NRXN1: variants seen among roughly 807,000 people sequenced by gnomAD.
The protein encoded by NRXN1 is neurexin 1.
NRXN1 carries 39 observed loss-of-function variants against 150.9 expected under a neutral mutation model. That is an observed-to-expected ratio of 0.26 (90% confidence interval 0.20 to 0.34). The LOEUF is 0.34. Among genes scored for constraint, NRXN1 ranks in the 10% least tolerant of loss-of-function variants. The pLI, the probability that NRXN1 is intolerant of heterozygous loss-of-function variation, is 1.00. For synonymous variants in NRXN1, 924 were observed against 757.0 expected (o/e 1.22, Z -3.62); for missense variants, 1,815 against 1,949.9 (o/e 0.93, Z 1.30).
chr2:50,984,540 A>G (rs1322699184), intron 2 of NRXN1, among the ~76,000 whole-genome samples: 12 of 152,068 alleles, frequency 7.9e-5, no homozygotes, highest in Admixed American at 7.9e-4. Flanking sequence ...AACTAAAAAA[A>G]GAAATAATTT....
chr2:50,093,035 C>T (rs983918128), intron 18 of NRXN1, among the ~76,000 whole-genome samples: 1 of 151,872 alleles, frequency 6.6e-6, no homozygotes. Flanking sequence ...AATGTATGTA[C>T]TAAATTAATT....
chr2:50,193,887 C>A (rs182323928), intron 18 of NRXN1, among the ~76,000 whole-genome samples: 48 of 152,132 alleles, frequency 3.2e-4, no homozygotes, highest in Admixed American at 3.1e-3. Context: ...GAACTACTTA[C>A]AGAAAACAAA....
chr2:50,237,358 T>C (rs932714167), intron 17 of NRXN1, among the ~76,000 whole-genome samples: 1 of 152,002 alleles, frequency 6.6e-6, no homozygotes, highest in African/African-American at 2.4e-5. Flanking sequence ...CAACTTGGTA[T>C]TGAAATAGGA....
chr2:50,465,493 A>T lies in NRXN1; in HGVS notation c.3313T>A (p.Phe1105Ile). 1 of 1,610,984 alleles carries T rather than the reference A, an allele frequency of 6.2e-7. No homozygotes were observed. The highest frequency in any genetic ancestry group is 8.5e-7 in the Non-Finnish European group (1 of 1,178,170). Residue 1105 changes from phenylalanine to isoleucine, a missense_variant, in exon 17 of 23, where the codon TTC becomes ATC. This residue lies in a region of NRXN1 where 339 missense variants were observed against 440.3 expected (regional missense o/e 0.77). Coordinates refer to ENST00000401669, the MANE Select transcript of NRXN1 (RefSeq NM_001330078.2). ...GAAGTCATACTACAGTCACAGCTGAAGCCATCCCATTGTTGCAAGCACACA... is the reference window on the plus strand; with the variant it reads ...GAAGTCATACTACAGTCACAGCTGATGCCATCCCATTGTTGCAAGCACACA... ...QGVCLQQWDGFSCDCSMTSFS... is the reference protein window; with the variant it reads ...QGVCLQQWDGISCDCSMTSFS...
At chr2:50,035,806 C>G (rs1182921632) in intron 21 of NRXN1, among the ~76,000 whole-genome samples, 1 of 152,056 alleles carries the variant, frequency 6.6e-6, no homozygotes, top group Non-Finnish European at 1.5e-5. Flanking sequence ...TCCATGGTTC[C>G]AAATTATGTC....
intron 5 of NRXN1, among the ~76,000 whole-genome samples, chr2:50,795,650 C>A (rs1325835671): frequency 6.6e-6 from 1 of 151,934 alleles, no homozygotes; most frequent in African/African-American, 2.4e-5. Flanking sequence ...CTCACTTTGG[C>A]TGTGAAATCA....
chr2:50,134,232 G>A (rs1044640126), intron 18 of NRXN1, among the ~76,000 whole-genome samples: 1 of 148,774 alleles, frequency 6.7e-6, no homozygotes, highest in African/African-American at 2.5e-5. Flanking sequence ...CAACAAAAAG[G>A]GTGTTGAGGT....
chr2:50,410,413 C>T (rs1374675295), intron 17 of NRXN1, among the ~76,000 whole-genome samples: 1 of 152,174 alleles, frequency 6.6e-6, no homozygotes, highest in African/African-American at 2.4e-5. Context: ...TACCTATCTG[C>T]CTCTCAGAAG....
chr2:50,496,293 T>C (rs1033480725), intron 14 of NRXN1, among the ~76,000 whole-genome samples, 198 bp from the exon 15 acceptor site: 7 of 152,150 alleles, frequency 4.6e-5, no homozygotes, highest in Admixed American at 2.0e-4. Flanking sequence ...TATTCAGTGT[T>C]TTAACTAAAG....
At chr2:49,954,385 G>A (rs1674555734) in intron 21 of NRXN1, among the ~76,000 whole-genome samples, 1 of 152,122 alleles carries the variant, frequency 6.6e-6, no homozygotes, top group East Asian at 1.9e-4. Flanking sequence ...AGAGCTTAGT[G>A]CACAGACTCA....
At chr2:50,672,647 G>T (rs892518185) in intron 5 of NRXN1, among the ~76,000 whole-genome samples, 1 of 151,696 alleles carries the variant, frequency 6.6e-6, no homozygotes, top group Admixed American at 6.6e-5. Flanking sequence ...GCTTAGCAAG[G>T]TTTAAAAAAA....
At chr2:50,594,887 C>A (rs983745730) in intron 8 of NRXN1, among the ~76,000 whole-genome samples, 6 of 151,920 alleles carry the variant, frequency 3.9e-5, no homozygotes, top group African/African-American at 1.5e-4. Flanking sequence ...AATCACTCCA[C>A]GATGCTTTAA....
chr2:50,034,505 G>C (rs1689704063), intron 21 of NRXN1, among the ~76,000 whole-genome samples: 1 of 151,954 alleles, frequency 6.6e-6, no homozygotes, highest in Non-Finnish European at 1.5e-5. Flanking sequence ...GGTGGAGGTT[G>C]GGAAGAGGTA....
Position 50,996,797 on chromosome 2 carries a change from T to C in NRXN1, c.772+30705A>G, listed in dbSNP as rs117244066. Among the ~76,000 whole-genome samples, 56 of 152,140 alleles carry C rather than the reference T, an allele frequency of 3.7e-4. No homozygotes were observed. The East Asian group carries it at 8.8e-3, about 24-fold the overall frequency. On this transcript the variant is annotated intron_variant, in intron 2 of 22. Transcript: ENST00000401669. ...CCTCCTTCTATATCATCTTCTACTA[T>C]TGTAGAAGATGGAAAGTTAAAAACC...
At chr2:51,009,892 C>A (rs1023218077) in intron 2 of NRXN1, among the ~76,000 whole-genome samples, 6 of 151,786 alleles carry the variant, frequency 4.0e-5, no homozygotes, top group African/African-American at 1.4e-4. Flanking sequence ...TACTTCATTA[C>A]CAGGAGAATT....
chr2:50,231,866 A>G (rs2064974703), intron 18 of NRXN1, among the ~76,000 whole-genome samples: 2 of 152,216 alleles, frequency 1.3e-5, no homozygotes, highest in South Asian at 2.1e-4. Flanking sequence ...TATCTTATAT[A>G]ATATAAAAAC....
chr2:50,036,893 T>C (rs752156068), intron 21 of NRXN1, among the ~76,000 whole-genome samples: 10 of 152,272 alleles, frequency 6.6e-5, no homozygotes, highest in Non-Finnish European at 1.2e-4. Flanking sequence ...CACCAACATA[T>C]GAACTAGTCC....
At chr2:50,984,134 ATTTTTTTTTTTT>A (rs70958636) in intron 2 of NRXN1, among the ~76,000 whole-genome samples, 7 of 72,810 alleles carry the variant, frequency 9.6e-5, no homozygotes, top group East Asian at 5.4e-4. Flanking sequence ...CGCCAGGCTA[ATTTTTTTTTTTT>A]TTTTTTTTTT....
rs146683422 is a variant in NRXN1, at chr2:50,849,609, TTC to T, written c.832+72258_832+72259del. Among the ~76,000 whole-genome samples the T allele has an allele frequency of 3.8e-4, 58 of 152,016 alleles. No homozygotes were observed. In the South Asian group the frequency reaches 0.012, roughly 31 times the overall value. On this transcript the variant is annotated intron_variant, in intron 5 of 22. Coordinates refer to ENST00000401669, the MANE Select transcript of NRXN1 (RefSeq NM_001330078.2). ...CTTCTTTTGTTTCAGCACAGTTCAG[TTC>T]TCTCTCTCTCTCCTCTTGCAATAGT...
Sources: allele counts gnomAD v4.1 joint callset (sites outside exome capture counted in the v4.1 genomes callset), GRCh38; gene constraint gnomAD v4.1.1; regional missense constraint gnomAD v4.1.1; transcripts MANE v1.5; gene names NCBI Gene and HGNC (gene_info 2026-07-23, HGNC 2026-07-21).